The following CAMSAP1 variants were observed in gnomAD, a reference collection of about 807,000 sequenced individuals.
CAMSAP1 encodes calmodulin-regulated spectrin-associated protein 1.
In CAMSAP1, 58 loss-of-function variants were observed where a neutral mutation model predicts 143.5. The ratio of observed to expected loss-of-function variants is 0.40; its 90% CI spans 0.33 to 0.50. The LOEUF (loss-of-function observed/expected upper bound fraction) is 0.50, where lower values mean the gene tolerates loss of function less well. Among genes scored for constraint, CAMSAP1 ranks in the 20% least tolerant of loss-of-function variants. The pLI, the probability that CAMSAP1 is intolerant of heterozygous loss-of-function variation, is 0.45. For synonymous variants in CAMSAP1, 945 were observed against 859.3 expected (o/e 1.10, Z -1.74); for missense variants, 1,969 against 2,115.7 (o/e 0.93, Z 1.36).
At position 135,818,879 on chromosome 9, in the gene CAMSAP1, C is replaced by T. The variant is rs951035095; in HGVS notation, c.3959+131G>A. 1.4e-6 allele frequency: 2 copies of T among 1,390,466 alleles called. No individual in the cohort carries two copies. The highest frequency in any genetic ancestry group is 1.4e-5 in the African/African-American group (1 of 69,822). The allele number at this position is 1,390,466 out of a possible 1,614,324, so 86.1% of individuals were successfully genotyped here. A position where few individuals can be genotyped will look rare whatever the true frequency, so the allele number is the denominator to read the frequency against. ...GCCGTGAAAGTTCGGGGAGGTGGTCCATGGGAGGAGTAAGACCGTCACAGG... is the reference window on the plus strand; with the variant it reads ...GCCGTGAAAGTTCGGGGAGGTGGTCTATGGGAGGAGTAAGACCGTCACAGG... On this transcript the variant is annotated intron_variant, in intron 12 of 16. Coordinates refer to ENST00000389532, the MANE Select transcript of CAMSAP1 (RefSeq NM_015447.4). This position sits in a 1 kb window ranked among gnomAD's most constrained non-coding sequence, Gnocchi z 7.7.
intron 16 of CAMSAP1, among the ~76,000 whole-genome samples, chr9:135,814,416 G>GCCA (rs1364409819): frequency 6.6e-6 from 1 of 152,090 alleles, no homozygotes; most frequent in Non-Finnish European, 1.5e-5. Context: ...GCAACTTAAG[G>GCCA]CCACACACCA....
At chr9:135,812,707 G>A (rs1835093830) in intron 16 of CAMSAP1, among the ~76,000 whole-genome samples, 1 of 152,158 alleles carries the variant, frequency 6.6e-6, no homozygotes, top group Admixed American at 6.5e-5. Context: ...TGTGGCTCAC[G>A]CCTGTAATCC....
In CAMSAP1 at chr9:135,895,691, T is replaced by G. The variant is rs60573644; in HGVS notation, c.160+11309A>C. Among the ~76,000 whole-genome samples, 7 of 152,236 alleles carry G rather than the reference T, an allele frequency of 4.6e-5. No individual in the cohort carries two copies. In the East Asian group the frequency reaches 1.3e-3, roughly 29 times the overall value. ...CTCCTTATGAGTTTTTTAAATTACA[T>G]ACGATGACAAAAATTTTAACACTGT... On this transcript the variant is annotated intron_variant, in intron 1 of 16. Transcript: ENST00000389532.
chr9:135,906,653 G>C (rs1025954763), intron 1 of CAMSAP1, among the ~76,000 whole-genome samples: 1 of 152,182 alleles, frequency 6.6e-6, no homozygotes, highest in South Asian at 2.1e-4. Context: ...GCCTCAGACG[G>C]CGGCCCCGCG....
chr9:135,822,692 C>G lies in CAMSAP1; in HGVS notation c.1969G>C (p.Glu657Gln), dbSNP rs1835523280. ...GTGGGGTCGATGCCCATGGGGAATTCTGAGCATGGAATCGGGGTAAAAGTC... is the reference window on the plus strand; with the variant it reads ...GTGGGGTCGATGCCCATGGGGAATTGTGAGCATGGAATCGGGGTAAAAGTC... The part of the protein sequence containing the change: ...NRTFTPIPCS[E>Q]FPMGIDPTET... Residue 657 changes from glutamate to glutamine, a missense_variant, in exon 11 of 17, where the codon GAA (glutamate) becomes CAA (glutamine). This residue lies in a region of CAMSAP1 where 1,390 missense variants were observed against 1,420.8 expected (regional missense o/e 0.98). Transcript: ENST00000389532. This position sits in a 1 kb window ranked among gnomAD's most constrained non-coding sequence, Gnocchi z 6.1. 1.2e-6 allele frequency: 2 copies of G among 1,610,010 alleles called. No homozygotes were observed. The highest frequency in any genetic ancestry group is 1.7e-6 in the Non-Finnish European group (2 of 1,177,838).
At chr9:135,870,645 A>G (rs1837539632) in intron 3 of CAMSAP1, among the ~76,000 whole-genome samples, 1 of 152,034 alleles carries the variant, frequency 6.6e-6, no homozygotes, top group South Asian at 2.1e-4. Flanking sequence ...AAATAAAAAA[A>G]TTACCCAGGC....
Position 135,812,906 on chromosome 9 carries a change from A to T in CAMSAP1, c.4507-1295T>A, listed in dbSNP as rs560666639. On this transcript the variant is annotated intron_variant, in intron 16 of 16. Coordinates refer to ENST00000389532, the MANE Select transcript of CAMSAP1 (RefSeq NM_015447.4). ...GAGGGGTGGAGGTTGCAGTGAGCTG[A>T]GATTGCACCACTGTACTCCAGTCTG... is the stretch of plus-strand genomic sequence containing the variant. Among the ~76,000 whole-genome samples the T allele has an allele frequency of 2.6e-5, 4 of 151,850 alleles. No individual in the cohort carries two copies. The East Asian group carries it at 7.8e-4, about 29-fold the overall frequency.
In CAMSAP1 at chr9:135,811,285, C is replaced by G; in HGVS notation, c.*24G>C. On this transcript the variant is annotated 3_prime_UTR_variant, in exon 17 of 17. Transcript: ENST00000389532. The surrounding 1 kb of genome is among the most constrained non-coding windows in gnomAD (Gnocchi z 4.9). ...GCATCATTTACGAGTCTGGGTCACC[C>G]TTTGGACGCCAGCTGCACCGGGGTC... 1.2e-6 allele frequency: 2 copies of G among 1,605,554 alleles called. No individual in the cohort carries two copies. The highest frequency in any genetic ancestry group is 8.5e-7 in the Non-Finnish European group (1 of 1,175,188).
At chr9:135,814,556 T>C (rs10120576) in intron 16 of CAMSAP1, among the ~76,000 whole-genome samples, 3,263 of 152,286 alleles carry the variant, frequency 0.021, 98 homozygotes, top group African/African-American at 0.073. Flanking sequence ...TCCCTGGGCA[T>C]GCACACTGGG....
intron 7 of CAMSAP1, among the ~76,000 whole-genome samples, chr9:135,838,766 T>G (rs1254843972): frequency 6.8e-6 from 1 of 146,880 alleles, no homozygotes; most frequent in Non-Finnish European, 1.5e-5. Flanking sequence ...ACACACGTCA[T>G]CACGCACTTT....
intron 7 of CAMSAP1, among the ~76,000 whole-genome samples, chr9:135,829,985 C>T (rs1156944984): frequency 1.3e-5 from 2 of 151,996 alleles, no homozygotes; most frequent in Non-Finnish European, 2.9e-5. Context: ...AGAGGTCTTG[C>T]ATATAAGTGA....
intron 1 of CAMSAP1, among the ~76,000 whole-genome samples, chr9:135,906,286 G>A (rs983904366): frequency 6.6e-6 from 1 of 152,314 alleles, no homozygotes; most frequent in African/African-American, 2.4e-5. Flanking sequence ...AAAGAGGATT[G>A]CAGAAATATT....
intron 11 of CAMSAP1, among the ~76,000 whole-genome samples, chr9:135,819,718 A>T (rs1284487192): frequency 4.6e-5 from 7 of 150,832 alleles, no homozygotes; most frequent in Admixed American, 4.6e-4. Flanking sequence ...ATGGTGGCAC[A>T]CGCCTGTAAT....
intron 1 of CAMSAP1, 93 bp downstream of exon 1, chr9:135,906,907 G>A (rs1442633232): frequency 2.6e-6 from 2 of 764,394 alleles, no homozygotes; most frequent in East Asian, 1.3e-4. Flanking sequence ...CAAAGGCGCG[G>A]CGCGCGGACC....
Position 135,822,530 on chromosome 9 carries a change from T to A in CAMSAP1, c.2131A>T (p.Thr711Ser). 6.2e-7 allele frequency: 1 copy of A among 1,613,790 alleles called. No homozygotes were observed. The highest frequency in any genetic ancestry group is 8.5e-7 in the Non-Finnish European group (1 of 1,179,866). ...CAACTAACATATAACCTTCCCTCGG[T>A]GTCTTCATCGGCCCTGCCTACATGA... ...FLHVGRADED[T>S]EGRLYVSCSK... The change falls in exon 11 of 17, where the codon ACC becomes TCC. Residue 711 changes from threonine (T) to serine (S), a missense_variant. This residue lies in a region of CAMSAP1 where 1,390 missense variants were observed against 1,420.8 expected (regional missense o/e 0.98). Transcript: ENST00000389532. This position sits in a 1 kb window ranked among gnomAD's most constrained non-coding sequence, Gnocchi z 6.1.
At chr9:135,866,760 C>T (rs544563859) in intron 3 of CAMSAP1, among the ~76,000 whole-genome samples, 2 of 152,290 alleles carry the variant, frequency 1.3e-5, no homozygotes, top group African/African-American at 4.8e-5. Context: ...CGACCCCCAC[C>T]CCAATGCCAG....
At chr9:135,868,040 A>C (rs1484262725) in intron 3 of CAMSAP1, among the ~76,000 whole-genome samples, 1 of 152,182 alleles carries the variant, frequency 6.6e-6, no homozygotes, top group Non-Finnish European at 1.5e-5. Context: ...ATGGAGCCAT[A>C]TTTTCACCTG....
intron 7 of CAMSAP1, among the ~76,000 whole-genome samples, chr9:135,830,138 T>C (rs749763104): frequency 4.6e-5 from 7 of 151,894 alleles, no homozygotes; most frequent in Non-Finnish European, 7.4e-5. Flanking sequence ...CAAATGAAGA[T>C]AGCAAGAGAC....
At chr9:135,874,155 G>A (rs1370541223) in intron 3 of CAMSAP1, among the ~76,000 whole-genome samples, 4 of 152,012 alleles carry the variant, frequency 2.6e-5, no homozygotes, top group Admixed American at 2.0e-4. Context: ...AAAGGCATCT[G>A]ACAAAATTCA....
Sources: gnomAD v4.1 joint callset for allele counts (sites outside exome capture counted in the v4.1 genomes callset) on GRCh38, gnomAD v4.1.1 for gene constraint, gnomAD v4.1.1 regional missense constraint, Gnocchi (gnomAD v3.1) non-coding constraint, MANE v1.5 for transcripts, NCBI Gene and HGNC (gene_info 2026-07-23, HGNC 2026-07-21) for gene names.